The following POMT2 variants were observed in gnomAD, a reference collection of about 807,000 sequenced individuals.
The protein encoded by POMT2 is protein O-mannosyl-transferase 2.
Under a neutral mutation model 100.0 loss-of-function variants are expected in POMT2, and 75 were observed. That is an observed-to-expected ratio of 0.75 (90% CI 0.62 to 0.91). The LOEUF is 0.91. POMT2 is among the 40% of genes least tolerant of loss of function. POMT2 has a pLI of 0.00. For synonymous variants in POMT2, 378 were observed against 374.1 expected (o/e 1.01, Z -0.12); for missense variants, 940 against 955.1 (o/e 0.98, Z 0.21).
rs764251403 is a variant in POMT2 at position 77,278,475 on chromosome 14, G to C, written c.2066C>G (p.Ala689Gly). The C allele has an allele frequency of 6.7e-7, 1 of 1,499,174 alleles. No homozygotes were observed. The allele number at this position is 1,499,174 out of a possible 1,614,324, so 92.9% of individuals were successfully genotyped here. The change falls in exon 20 of 21, where the codon GCC (alanine) becomes GGC (glycine). Residue 689 changes from alanine to glycine, a missense_variant. Physicochemically the swap from Ala to Gly is moderately conservative, Grantham distance 60. Transcript: ENST00000261534. ...ILWDTLLRLCAWGLASWPLAR... is the reference protein window; with the variant it reads ...ILWDTLLRLCGWGLASWPLAR... ...CAGGGGCCATGAGGCCAAGCCCCAG[G>C]CACAGAGCCGCAGGAGGGTGTCCCA...
At chr14:77,277,569 A>G (rs1890018627) in intron 20 of POMT2, 88 bp from the exon 21 acceptor site, 1 of 1,103,110 alleles carries the variant, frequency 9.1e-7, no homozygotes, top group Non-Finnish European at 1.4e-6. Flanking sequence ...CTGGAGCTCC[A>G]GAGAAATTCC....
At chr14:77,287,210 G>A (rs1890456744) in intron 11 of POMT2, 2 of 278,152 alleles carry the variant, frequency 7.2e-6, no homozygotes, top group Non-Finnish European at 1.4e-5. Context: ...CCTGAGCTAG[G>A]TAACCTCCTC....
chr14:77,310,811 C>T (rs920651681), intron 2 of POMT2, among the ~76,000 whole-genome samples: 44 of 152,140 alleles, frequency 2.9e-4, no homozygotes, highest in Non-Finnish European at 5.3e-4. Flanking sequence ...AGGGCTAATC[C>T]GAGAGCCTTC....
intron 18 of POMT2, 79 bp downstream of exon 18, chr14:77,279,744 G>T (rs1168617685): frequency 3.6e-6 from 5 of 1,400,918 alleles, no homozygotes; most frequent in Non-Finnish European, 4.9e-6. Context: ...TGGCCCATCA[G>T]CAGGCAGCCG....
chr14:77,282,128 A>C (rs1367328791), intron 15 of POMT2, among the ~76,000 whole-genome samples: 4 of 152,216 alleles, frequency 2.6e-5, no homozygotes, highest in Non-Finnish European at 5.9e-5. Context: ...GAGGGAAACC[A>C]ATTCCTTCAA....
In POMT2 at chr14:77,320,651, C is replaced by T. The variant is rs1290755928; in HGVS notation, c.31G>A (p.Glu11Lys). 2 of 1,593,732 alleles carry T rather than the reference C, an allele frequency of 1.3e-6. No homozygotes were observed. Among genetic ancestry groups the T allele is most frequent in the African/African-American group, 1.3e-5 (1 of 74,734 alleles). The change falls in exon 1 of 21, where the codon GAG (glutamate) becomes AAG (lysine). Residue 11 changes from glutamate to lysine, a missense_variant. Glu to Lys is a moderately conservative substitution (Grantham distance 56, BLOSUM62 1). Transcript: ENST00000261534. ...CCCCTCCGGGGACGCAGCTCGGACT[C>T]TGCCAGGCCTCCGCCCGTGGCCGGC... The part of the protein sequence containing the change: MPPATGGGLA[E>K]SELRPRRGRC...
chr14:77,282,963 G>C lies in POMT2; in HGVS notation c.1653+834C>G, dbSNP rs573652217. ...CAGGTTTTCCATAAGCCAGAATAAG[G>C]GGGTCTTCCACTAAACAGCAGGACT... On this transcript the variant is annotated intron_variant, in intron 15 of 20. Transcript: ENST00000261534. Among the ~76,000 whole-genome samples, 1,089 of 152,276 alleles carry C rather than the reference G, an allele frequency of 7.2e-3. 9 individuals carry two copies. The highest frequency in any genetic ancestry group is 0.01 in the Non-Finnish European group (706 of 68,024).
intron 15 of POMT2, among the ~76,000 whole-genome samples, chr14:77,283,562 C>A (rs562649958): frequency 6.6e-6 from 1 of 152,312 alleles, no homozygotes; most frequent in South Asian, 2.1e-4. Context: ...TAGTGCTTAG[C>A]GTAGTGCCTG....
At chr14:77,290,283 C>T (rs1890587797) in intron 10 of POMT2, among the ~76,000 whole-genome samples, 1 of 152,332 alleles carries the variant, frequency 6.6e-6, no homozygotes, top group South Asian at 2.1e-4. Flanking sequence ...CTCGTAACTC[C>T]TCACTGTGAT....
intron 8 of POMT2, 185 bp from the exon 9 acceptor site, chr14:77,296,458 C>T: frequency 1.7e-6 from 1 of 599,196 alleles, no homozygotes; most frequent in Non-Finnish European, 3.0e-6. Context: ...CACCACAGGG[C>T]CCACTTACTC....
At position 77,296,244 on chromosome 14, in the gene POMT2, T is replaced by A. The variant is rs1594792631; in HGVS notation, c.1036A>T (p.Lys346Ter). The change falls in exon 9 of 21, where the codon AAG (lysine) becomes TAG (stop). Residue 346 changes from lysine (K) to a stop codon, truncating the protein, a stop_gained. Coordinates refer to ENST00000261534, the MANE Select transcript of POMT2 (RefSeq NM_013382.7). LOFTEE classifies it high-confidence loss of function. ...HLAYGSVITV[K>*]NLRMAIGYLH... is the part of the protein sequence containing the mutation. ...TAGCCGATGGCCATCCGGAGGTTCT[T>A]CACAGTGATCACAGAGCCGTAGGCC... The A allele has an allele frequency of 6.2e-7, 1 of 1,606,348 alleles. No individual in the cohort carries two copies. The highest frequency in any genetic ancestry group is 2.2e-5 in the East Asian group (1 of 44,644).
At chr14:77,288,344 C>T (rs960471861) in intron 11 of POMT2, among the ~76,000 whole-genome samples, 3 of 152,220 alleles carry the variant, frequency 2.0e-5, no homozygotes, top group Admixed American at 1.3e-4. Context: ...CAGAAACAGA[C>T]TCCTACGTCT....
chr14:77,306,141 C>A, intron 3 of POMT2, 196 bp downstream of exon 3: 1 of 842,710 alleles, frequency 1.2e-6, no homozygotes, highest in Non-Finnish European at 1.8e-6. Context: ...TTATTTGCAG[C>A]CTCCTCTTCC....
chr14:77,305,139 C>G (rs556842545), intron 3 of POMT2, among the ~76,000 whole-genome samples: 77 of 152,232 alleles, frequency 5.1e-4, no homozygotes, highest in African/African-American at 1.7e-3. Flanking sequence ...TATTAACACA[C>G]AGATAGTAAT....
Position 77,301,007 on chromosome 14 carries a change from G to A in POMT2, c.816+83C>T, listed in dbSNP as rs544479110. ...GAACACAGCCACTCTGCCACCTGCA[G>A]TAGAGACAGAGAAGGCCACCAGCTC... On this transcript the variant is annotated intron_variant, in intron 6 of 20. Coordinates refer to ENST00000261534, the MANE Select transcript of POMT2 (RefSeq NM_013382.7). 9.7e-5 allele frequency: 156 copies of A among 1,609,970 alleles called. 1 individual carries two copies. In the Admixed American group the frequency reaches 2.2e-3, roughly 23 times the overall value.
In POMT2 at chr14:77,296,313, G is replaced by A. The variant is rs1239233179; in HGVS notation, c.1007-40C>T. On this transcript the variant is annotated intron_variant, in intron 8 of 20. Coordinates refer to ENST00000261534, the MANE Select transcript of POMT2 (RefSeq NM_013382.7). ...GACAGCAGAGGGGTGAGCTGGCACA[G>A]TGCCAGAGGCTGTCCGTGCCTGCGA... is the stretch of plus-strand genomic sequence containing the variant. 25 of 1,430,524 alleles carry A rather than the reference G, an allele frequency of 1.7e-5. No homozygotes were observed. In the South Asian group the frequency reaches 2.4e-4, roughly 14 times the overall value. 88.6% of individuals were successfully genotyped at this position (1,430,524 alleles called of 1,614,324 possible). A position where few individuals can be genotyped will look rare whatever the true frequency, so the allele number is the denominator to read the frequency against.
intron 19 of POMT2, 93 bp downstream of exon 19, chr14:77,278,636 C>A: frequency 6.4e-7 from 1 of 1,554,902 alleles, no homozygotes; most frequent in South Asian, 1.1e-5. Context: ...AGTGGCCTCC[C>A]GTCAAGGAGC....
intron 11 of POMT2, 76 bp downstream of exon 11, chr14:77,288,686 T>G (rs1308018222): frequency 7.6e-7 from 1 of 1,314,952 alleles, no homozygotes; most frequent in Non-Finnish European, 1.1e-6. Flanking sequence ...AAATCTAACT[T>G]CTGTTTACTT....
intron 1 of POMT2, among the ~76,000 whole-genome samples, chr14:77,317,792 C>A (rs1314962880): frequency 6.6e-6 from 1 of 152,238 alleles, no homozygotes; most frequent in East Asian, 1.9e-4. Context: ...TTCCCCCTTA[C>A]AGAAAGCCCA....
Sources: allele counts gnomAD v4.1 joint callset (sites outside exome capture counted in the v4.1 genomes callset), GRCh38; gene constraint gnomAD v4.1.1; transcripts MANE v1.5; gene names NCBI Gene and HGNC (gene_info 2026-07-23, HGNC 2026-07-21).